Variants in PCTP observed in about 807,000 individuals in gnomAD.
PCTP encodes START domain-containing protein 2.
In PCTP, 27 loss-of-function variants were observed where a neutral mutation model predicts 31.0. The observed-to-expected ratio is 0.87, with a 90% CI of 0.64 to 1.20. The LOEUF (loss-of-function observed/expected upper bound fraction) is 1.20, where lower values mean the gene tolerates loss of function less well. Ranked by LOEUF, PCTP falls within the 50% of genes most tolerant of loss-of-function variation. PCTP has a pLI of 0.00. For synonymous variants in PCTP, 108 were observed against 101.2 expected, an observed-to-expected ratio of 1.07 and a Z score of -0.40; for missense variants, 287 against 268.2, an observed-to-expected ratio of 1.07 and a Z score of -0.49.
chr17:55,766,962 T>C (rs1910697730), intron 1 of PCTP, among the ~76,000 whole-genome samples: 1 of 152,224 alleles, frequency 6.6e-6, no homozygotes, highest in Non-Finnish European at 1.5e-5. Context: ...TTCTAACTGG[T>C]GTGAGATGGT....
intron 3 of PCTP, among the ~76,000 whole-genome samples, chr17:55,809,239 A>T (rs1277157836): frequency 6.6e-6 from 1 of 152,202 alleles, no homozygotes; most frequent in Admixed American, 6.5e-5. Flanking sequence ...TCAAACAAAA[A>T]ACAAAACACA....
chr17:55,834,789 G>A lies in PCTP; in HGVS notation n.506-7938G>A, dbSNP rs934756993. On this transcript the variant is annotated intron_variant and non_coding_transcript_variant, in intron 5 of 5. Coordinates refer to the PCTP transcript ENST00000576221. ...GTGAAAAAGAGGAGGGGGGCAGAGG[G>A]ATGCAAAAGAATAAATTTCCCAGGT... is the stretch of plus-strand genomic sequence containing the variant. Among the ~76,000 whole-genome samples the A allele has an allele frequency of 1.8e-4, 28 of 152,238 alleles. No individual in the cohort carries two copies. The Middle Eastern group carries it at 0.01, about 55-fold the overall frequency.
intron 3 of PCTP, among the ~76,000 whole-genome samples, chr17:55,805,329 A>T (rs770210323): frequency 2.6e-5 from 4 of 152,090 alleles, no homozygotes; most frequent in Non-Finnish European, 5.9e-5. Context: ...CACTGTACCC[A>T]GTAGGCAATT....
intron 1 of PCTP, among the ~76,000 whole-genome samples, chr17:55,759,067 A>G (rs1335377542): frequency 6.6e-6 from 1 of 152,194 alleles, no homozygotes; most frequent in Non-Finnish European, 1.5e-5. Context: ...GAATGCTTGG[A>G]CATAATACCA....
rs1006211008 is a variant in PCTP, at chr17:55,790,888, T to C, written c.317+3234T>C. ...AAGAACAAAGCTGGAGGCATCACGC[T>C]ACCTGACTTCAAACTGTACTACAAG... is the stretch of plus-strand genomic sequence containing the variant. On this transcript the variant is annotated intron_variant, in intron 3 of 3. Coordinates refer to the PCTP transcript ENST00000572536. 5.6e-4 allele frequency among the ~76,000 whole-genome samples: 84 copies of C among 150,594 alleles called. 2 individuals are homozygous for C. The highest frequency in any genetic ancestry group is 1.9e-3 in the African/African-American group (77 of 39,952).
At chr17:55,850,785 T>C in the PCTP span, among the ~76,000 whole-genome samples, 2 of 152,210 alleles carry the variant, frequency 1.3e-5, no homozygotes, top group East Asian at 3.8e-4. Flanking sequence ...AATCACTTAA[T>C]GGTAGAAAAG....
downstream of PCTP, among the ~76,000 whole-genome samples, chr17:55,781,985 G>A (rs1323516108): frequency 6.6e-6 from 1 of 152,222 alleles, no homozygotes; most frequent in African/African-American, 2.4e-5. Flanking sequence ...TATGGAGGCC[G>A]AGAAGTCCCA....
chr17:55,799,122 G>A (rs1912284187), intron 3 of PCTP, among the ~76,000 whole-genome samples: 2 of 152,006 alleles, frequency 1.3e-5, no homozygotes, highest in East Asian at 3.9e-4. Context: ...AGCAGCTAGA[G>A]AGGAGAGAAA....
chr17:55,790,885 C>T (rs1478968828), intron 3 of PCTP, among the ~76,000 whole-genome samples: 16 of 150,310 alleles, frequency 1.1e-4, no homozygotes, highest in African/African-American at 2.5e-4. Flanking sequence ...GGAGGCATCA[C>T]GCTACCTGAC....
intron 5 of PCTP, chr17:55,842,726 G>C (rs1025858947): frequency 1.3e-5 from 2 of 152,166 alleles, no homozygotes; most frequent in African/African-American, 4.8e-5. Context: ...ATGGATTTCA[G>C]ACTCTTCAAA....
chr17:55,793,648 A>G lies in PCTP; in HGVS notation c.317+5994A>G, dbSNP rs1287986540. Among the ~76,000 whole-genome samples the G allele has an allele frequency of 2.6e-5, 4 of 152,268 alleles. No homozygotes were observed. The East Asian group carries it at 7.7e-4, about 29-fold the overall frequency. On this transcript the variant is annotated intron_variant, in intron 3 of 3. Coordinates refer to the PCTP transcript ENST00000572536. The stretch of plus-strand genomic sequence containing the variant: ...ATTGTAGCCCTAGAGCTTAGCACAC[A>G]GTACCTGAAACACGATAGTTGCTTA...
chr17:55,771,085 A>C, intron 2 of PCTP, 21 bp from the exon 3 acceptor site: 1 of 1,597,826 alleles, frequency 6.3e-7, no homozygotes, highest in South Asian at 1.1e-5. Flanking sequence ...AGATGCATTA[A>C]CTTCTTTTGC....
intron 1 of PCTP, chr17:55,751,451 T>A: frequency 1.3e-6 from 2 of 1,533,266 alleles, no homozygotes; most frequent in Non-Finnish European, 1.7e-6. Context: ...CCAGGGGAGT[T>A]GGAAGGTCAC....
At chr17:55,823,049 C>T (rs942780232) in exon 4 of PCTP, 5 of 322,484 alleles carry the variant, frequency 1.6e-5, no homozygotes, top group African/African-American at 8.6e-5. Flanking sequence ...CATCTATGTA[C>T]TGGAAAGATA....
In PCTP at chr17:55,804,805, A is replaced by G. The variant is rs146326690; in HGVS notation, c.317+17151A>G. Among the ~76,000 whole-genome samples the G allele has an allele frequency of 8.5e-4, 130 of 152,294 alleles. 1 individual carries two copies. Among genetic ancestry groups the G allele is most frequent in the African/African-American group, 3.1e-3 (128 of 41,558 alleles). On this transcript the variant is annotated intron_variant, in intron 3 of 3. Transcript: ENST00000572536. ...TGCAGCAAACCACCATGGCATGTGT[A>G]TACTTATGTAACATACCACACGTTC...
chr17:55,825,446 G>C (rs1905362960), downstream of PCTP, among the ~76,000 whole-genome samples: 1 of 152,232 alleles, frequency 6.6e-6, no homozygotes, highest in Non-Finnish European at 1.5e-5. Flanking sequence ...ATCTAGTGAT[G>C]ATTTAACACC....
At chr17:55,771,028 T>C in intron 2 of PCTP, 78 bp from the exon 3 acceptor site, 1 of 1,087,022 alleles carries the variant, frequency 9.2e-7, no homozygotes, top group Non-Finnish European at 1.4e-6. Flanking sequence ...CCACCATGCT[T>C]GGCCTAAGAG....
At chr17:55,839,945 A>AAC (rs1567736256) in intron 5 of PCTP, among the ~76,000 whole-genome samples, 8 of 143,898 alleles carry the variant, frequency 5.6e-5, no homozygotes, top group Non-Finnish European at 1.3e-4. Context: ...AAAAAAAAAA[A>AAC]AACAACTGAA....
chr17:55,846,814 A>G (rs11079197), downstream of PCTP, among the ~76,000 whole-genome samples: 39,438 of 152,088 alleles, frequency 0.26, 7,502 homozygotes, highest in African/African-American at 0.53. Flanking sequence ...TTCTGATTTA[A>G]AAATCTCCTT....
Sources: allele counts gnomAD v4.1 joint callset (sites outside exome capture counted in the v4.1 genomes callset), GRCh38; gene constraint gnomAD v4.1.1; transcripts MANE v1.5; gene names NCBI Gene and HGNC (gene_info 2026-07-23, HGNC 2026-07-21).